Variants in MGAT5B observed in about 807,000 individuals in gnomAD.
MGAT5B encodes N-acetylglucosaminyl-transferase Vb.
In MGAT5B, 54 loss-of-function variants were observed where a neutral mutation model predicts 95.1. That is an observed-to-expected ratio of 0.57 (90% CI 0.46 to 0.71). MGAT5B has a LOEUF of 0.71. Ranked by LOEUF, MGAT5B falls within the 30% of genes least tolerant of loss-of-function variation. The pLI, the probability that MGAT5B is intolerant of heterozygous loss-of-function variation, is 0.00. For synonymous variants in MGAT5B, 464 were observed against 451.0 expected, an observed-to-expected ratio of 1.03 and a Z score of -0.36; for missense variants, 935 against 1,088.6, an observed-to-expected ratio of 0.86 and a Z score of 1.99.
Position 76,947,927 on chromosome 17 carries a change from G to A in MGAT5B, c.2021G>A (p.Arg674Gln), listed in dbSNP as rs541634415. 1.7e-5 allele frequency: 28 copies of A among 1,613,188 alleles called. No individual in the cohort carries two copies. Among genetic ancestry groups the A allele is most frequent in the South Asian group, 1.3e-4 (12 of 90,992 alleles). ...AATGCCACCCACCTCGAGTGGGCTCGGAACACCAGCTTGGCTCCTGGGGCC... is the reference window on the plus strand; with the variant it reads ...AATGCCACCCACCTCGAGTGGGCTCAGAACACCAGCTTGGCTCCTGGGGCC... ...APNATHLEWA[R>Q]NTSLAPGAWP... Residue 674 changes from arginine to glutamine, a missense_variant, in exon 17 of 18, where the codon CGG becomes CAG. Coordinates refer to ENST00000569840, the MANE Select transcript of MGAT5B (RefSeq NM_001199172.2).
intron 10 of MGAT5B, among the ~76,000 whole-genome samples, chr17:76,928,245 G>C (rs4788957): frequency 0.92 from 139,730 of 151,980 alleles, 64,916 homozygotes; most frequent in Non-Finnish European, 0.98. Flanking sequence ...TTCTTACTGT[G>C]CTCCCAGCAG....
rs115881449 is a variant in MGAT5B, at chr17:76,893,249, G to A, written c.330-9306G>A. Among the ~76,000 whole-genome samples, 1,134 of 152,166 alleles carry A rather than the reference G, an allele frequency of 7.5e-3. 15 individuals carry two copies. The highest frequency in any genetic ancestry group is 0.026 in the African/African-American group (1,076 of 41,512). On this transcript the variant is annotated intron_variant, in intron 3 of 17. Transcript: ENST00000569840. ...AGGGTGTCCTTGAGGCTGGGCCTGC[G>A]TTTGGTTCATCTGCGTTTGGTTCCT...
At chr17:76,903,504 C>T (rs749774626) in intron 5 of MGAT5B, 128 bp downstream of exon 5, 2 of 569,482 alleles carry the variant, frequency 3.5e-6, no homozygotes, top group Non-Finnish European at 6.0e-6. Context: ...TCAGTGCATC[C>T]ACCCCACCCA....
intron 3 of MGAT5B, among the ~76,000 whole-genome samples, chr17:76,884,758 C>G (rs1967562186): frequency 6.6e-6 from 1 of 152,136 alleles, no homozygotes; most frequent in Admixed American, 6.5e-5. Context: ...CACATGCCAC[C>G]ACACCCAGCT....
Position 76,912,490 on chromosome 17 carries a change from C to T in MGAT5B, c.1025+6303C>T, listed in dbSNP as rs1015646574. ...ATGTCTCCCTTGGCTGGCGAAATGA[C>T]CTGCGTGGGAGGCGGTGGGACAAAG... is the stretch of plus-strand genomic sequence containing the variant. On this transcript the variant is annotated intron_variant, in intron 8 of 17. Coordinates refer to ENST00000569840, the MANE Select transcript of MGAT5B (RefSeq NM_001199172.2). The surrounding 1 kb of genome is among the most constrained non-coding windows in gnomAD (Gnocchi z 5.0). Among the ~76,000 whole-genome samples, 1 of 152,272 alleles carries T rather than the reference C, an allele frequency of 6.6e-6. No homozygotes were observed. Among genetic ancestry groups the T allele is most frequent in the South Asian group, 2.1e-4 (1 of 4,828 alleles).
rs1156768329 is a variant in MGAT5B at position 76,950,200 on chromosome 17, T to G, written c.*1362T>G. The G allele has an allele frequency of 6.6e-6, 1 of 152,558 alleles. No individual in the cohort carries two copies. Among genetic ancestry groups the G allele is most frequent in the Non-Finnish European group, 1.5e-5 (1 of 68,050 alleles). The allele number at this position is 152,558 out of a possible 1,614,324, so 9.5% of individuals were successfully genotyped here. A position where few individuals can be genotyped will look rare whatever the true frequency, so the allele number is the denominator to read the frequency against. On this transcript the variant is annotated 3_prime_UTR_variant, in exon 18 of 18. Transcript: ENST00000569840. Reference sequence around the variant, plus strand: ...TTGGTGGAGGGGCCAGGCTGGACGCTTCCTGTGGGAGTCCCCTCCAGACCT... The same window carrying G: ...TTGGTGGAGGGGCCAGGCTGGACGCGTCCTGTGGGAGTCCCCTCCAGACCT...
Position 76,868,545 on chromosome 17 carries a change from C to G in MGAT5B, c.-485C>G, listed in dbSNP as rs1194514396. ...GGGCGCGGGTTGCCCTCGTCGAGAG[C>G]CATGGGCGCGGCGCGGCGCGGGGCT... is the stretch of plus-strand genomic sequence containing the variant. On this transcript the variant is annotated 5_prime_UTR_variant, in exon 1 of 18. Coordinates refer to ENST00000569840, the MANE Select transcript of MGAT5B (RefSeq NM_001199172.2). The surrounding 1 kb of genome is among the most constrained non-coding windows in gnomAD (Gnocchi z 6.3). 4 of 148,718 alleles carry G rather than the reference C, an allele frequency of 2.7e-5. No individual in the cohort carries two copies. The East Asian group carries it at 7.8e-4, about 29-fold the overall frequency. The allele number at this position is 148,718 out of a possible 1,614,324, so 9.2% of individuals were successfully genotyped here.
At chr17:76,937,922 C>T in intron 12 of MGAT5B, 66 bp from the exon 13 acceptor site, 1 of 1,576,116 alleles carries the variant, frequency 6.3e-7, no homozygotes, top group Non-Finnish European at 8.7e-7. Flanking sequence ...CCAAAGGGAT[C>T]TCCTCCATGG....
At chr17:76,898,381 T>C (rs1406059433) in intron 3 of MGAT5B, among the ~76,000 whole-genome samples, 1 of 147,470 alleles carries the variant, frequency 6.8e-6, no homozygotes, top group Non-Finnish European at 1.5e-5. Flanking sequence ...CAGGCTGGAG[T>C]GCAGTGACGC....
intron 5 of MGAT5B, among the ~76,000 whole-genome samples, chr17:76,903,654 C>G (rs1202636989): frequency 1.3e-5 from 2 of 152,202 alleles, no homozygotes; most frequent in Non-Finnish European, 2.9e-5. Context: ...CCTGTCCCTG[C>G]TCCTCCTGGC....
chr17:76,940,582 G>T lies in MGAT5B; in HGVS notation c.1731+34G>T, dbSNP rs775306380. ...AAAGCATCCTGGTCCCCGATCAGGA[G>T]GGGCCGGGACAGAGACCCCTGCAGG... On this transcript the variant is annotated intron_variant, in intron 14 of 17. Transcript: ENST00000569840. This position sits in a 1 kb window ranked among gnomAD's most constrained non-coding sequence, Gnocchi z 4.3. 5.0e-6 allele frequency: 8 copies of T among 1,593,952 alleles called. No individual in the cohort carries two copies. Among genetic ancestry groups the T allele is most frequent in the Non-Finnish European group, 6.0e-6 (7 of 1,166,930 alleles).
intron 8 of MGAT5B, among the ~76,000 whole-genome samples, chr17:76,919,930 G>A (rs75416410): frequency 0.067 from 10,258 of 152,144 alleles, 466 homozygotes; most frequent in East Asian, 0.21. Flanking sequence ...GCCCCGAGAG[G>A]GTAGCTTTTC....
rs766632502 is a variant in MGAT5B, at chr17:76,906,033, G to A, written c.871G>A (p.Gly291Ser). The A allele has an allele frequency of 5.6e-6, 9 of 1,603,858 alleles. No homozygotes were observed. Among genetic ancestry groups the A allele is most frequent in the South Asian group, 1.1e-5 (1 of 90,534 alleles). The part of the protein sequence containing the change: ...RDQKQILVHI[G>S]FLTEESGDVF... Reference sequence around the variant, plus strand: ...GCCCACCCAGATCCTGGTCCACATCGGCTTCCTGACGGAGGAGTCCGGGGA... The same window carrying A: ...GCCCACCCAGATCCTGGTCCACATCAGCTTCCTGACGGAGGAGTCCGGGGA... The change falls in exon 8 of 18, where the codon GGC becomes AGC. Residue 291 changes from glycine (G) to serine (S), a missense_variant. Gly to Ser is a moderately conservative substitution (Grantham distance 56, BLOSUM62 0). Transcript: ENST00000569840. The surrounding 1 kb of genome is among the most constrained non-coding windows in gnomAD (Gnocchi z 4.6).
chr17:76,901,076 T>C (rs1968298569), intron 3 of MGAT5B, among the ~76,000 whole-genome samples: 2 of 152,204 alleles, frequency 1.3e-5, no homozygotes, highest in Admixed American at 1.3e-4. Context: ...CCTGTCACCC[T>C]GACTAGTCCC....
intron 8 of MGAT5B, among the ~76,000 whole-genome samples, chr17:76,919,958 G>A (rs529607440): frequency 1.4e-4 from 22 of 152,200 alleles, no homozygotes; most frequent in Admixed American, 1.2e-3. Flanking sequence ...ATTAATTTGG[G>A]CACAGTGCAG....
chr17:76,911,493 A>G (rs1968735241), intron 8 of MGAT5B, among the ~76,000 whole-genome samples: 1 of 152,252 alleles, frequency 6.6e-6, no homozygotes, highest in Non-Finnish European at 1.5e-5. Flanking sequence ...GAGGTGGCCC[A>G]GATGGTGGGG....
At chr17:76,888,997 G>C (rs75510175) in intron 3 of MGAT5B, among the ~76,000 whole-genome samples, 3 of 152,218 alleles carry the variant, frequency 2.0e-5, no homozygotes, top group South Asian at 4.1e-4. Flanking sequence ...GTCGGCCTTG[G>C]GAAGAGGGGT....
intron 16 of MGAT5B, 141 bp from the exon 17 acceptor site, chr17:76,947,689 A>AAT: frequency 7.5e-7 from 1 of 1,327,430 alleles, no homozygotes; most frequent in Non-Finnish European, 9.7e-7. Flanking sequence ...TAAATGAAAT[A>AAT]ATGCAGGTAA....
In MGAT5B at chr17:76,944,942, C is replaced by T. The variant is rs540445810; in HGVS notation, c.1849-1434C>T. Among the ~76,000 whole-genome samples the T allele has an allele frequency of 3.9e-5, 6 of 152,326 alleles. No homozygotes were observed. The East Asian group carries it at 7.7e-4, about 20-fold the overall frequency. The stretch of plus-strand genomic sequence containing the variant: ...CACCCACTGGCTAAAGACGGGAAAG[C>T]GGCCTCATTAGGAGATGGGCTGGGC... On this transcript the variant is annotated intron_variant, in intron 15 of 17. Transcript: ENST00000569840.
Sources: gnomAD v4.1 joint callset for allele counts (sites outside exome capture counted in the v4.1 genomes callset) on GRCh38, gnomAD v4.1.1 for gene constraint, Gnocchi (gnomAD v3.1) non-coding constraint, MANE v1.5 for transcripts, NCBI Gene and HGNC (gene_info 2026-07-23, HGNC 2026-07-21) for gene names.